FAM43A: variants seen among roughly 807,000 people sequenced by gnomAD.
The protein encoded by FAM43A is family with sequence similarity 43 member A.
Under a neutral mutation model 15.7 loss-of-function variants are expected in FAM43A, and 11 were observed. The observed-to-expected ratio is 0.70, with a 90% CI of 0.44 to 1.16. FAM43A has a LOEUF of 1.16. Ranked by LOEUF, FAM43A falls within the 50% of genes most tolerant of loss-of-function variation. The pLI, the probability that FAM43A is intolerant of heterozygous loss-of-function variation, is 0.00. For synonymous variants in FAM43A, 319 were observed against 291.7 expected (o/e 1.09, Z -0.96); for missense variants, 573 against 620.0 (o/e 0.92, Z 0.80).
chr3:194,686,945 G>A lies in FAM43A; in HGVS notation c.119G>A (p.Arg40Gln), dbSNP rs1209553749. The A allele has an allele frequency of 1.9e-6, 3 of 1,610,040 alleles. No homozygotes were observed. The highest frequency in any genetic ancestry group is 2.2e-5 in the East Asian group (1 of 44,770). Residue 40 changes from arginine (R) to glutamine (Q), a missense_variant, in exon 1 of 1, where the codon CGG becomes CAG. Physicochemically the swap from Arg to Gln is conservative, Grantham distance 43. Coordinates refer to ENST00000329759, the MANE Select transcript of FAM43A (RefSeq NM_153690.5). ...LHYSALSSLA[R>Q]ACPEGALSRV... ...TACTCGGCGCTCAGCTCGCTGGCGC[G>A]GGCGTGCCCCGAAGGCGCGCTTAGC...
Position 194,688,251 on chromosome 3 carries a change from T to C in FAM43A, c.*153T>C, listed in dbSNP as rs1248177673. The C allele has an allele frequency of 4.4e-6, 4 of 909,250 alleles. No individual in the cohort carries two copies. The highest frequency in any genetic ancestry group is 8.6e-5 in the Admixed American group (2 of 23,232). 56.3% of individuals were successfully genotyped at this position (909,250 alleles called of 1,614,324 possible). On this transcript the variant is annotated 3_prime_UTR_variant, in exon 1 of 1. Transcript: ENST00000329759. Reference sequence around the variant, plus strand: ...CCAGGTCCAGCGTTCCCCCGACCGCTTTCCCCTACCTCCCGGCCCCCGCTC... The same window carrying C: ...CCAGGTCCAGCGTTCCCCCGACCGCCTTCCCCTACCTCCCGGCCCCCGCTC...
chr3:194,688,204 G>C lies in FAM43A; in HGVS notation c.*106G>C. 7 of 1,189,406 alleles carry C rather than the reference G, an allele frequency of 5.9e-6. No individual in the cohort carries two copies. Among genetic ancestry groups the C allele is most frequent in the South Asian group, 8.5e-5 (2 of 23,640 alleles). The allele number at this position is 1,189,406 out of a possible 1,614,324, so 73.7% of individuals were successfully genotyped here. Reference sequence around the variant, plus strand: ...AGGAAGGGGGAAATGGGGCATTTGGGGCCCAGACCTACACTTGGAGCCCAG... The same window carrying C: ...AGGAAGGGGGAAATGGGGCATTTGGCGCCCAGACCTACACTTGGAGCCCAG... On this transcript the variant is annotated 3_prime_UTR_variant, in exon 1 of 1. Coordinates refer to ENST00000329759, the MANE Select transcript of FAM43A (RefSeq NM_153690.5).
rs778053297 is a variant in FAM43A at position 194,687,174 on chromosome 3, G to T, written c.348G>T (p.Gln116His). The change falls in exon 1 of 1, where the codon CAG becomes CAT. Residue 116 changes from glutamine (Q) to histidine (H), a missense_variant. Gln to His is a conservative substitution (Grantham distance 24). Coordinates refer to ENST00000329759, the MANE Select transcript of FAM43A (RefSeq NM_153690.5). ...AGATGAAGCTGACGGTGAGTGCGCA[G>T]GGTATCCGCATGGTGCACGCCGAGG... ...GTKMKLTVSAQGIRMVHAEER... is the reference protein window; with the variant it reads ...GTKMKLTVSAHGIRMVHAEER... 1.9e-6 allele frequency: 3 copies of T among 1,611,076 alleles called. No individual in the cohort carries two copies. The highest frequency in any genetic ancestry group is 2.5e-6 in the Non-Finnish European group (3 of 1,179,874).
Position 194,688,152 on chromosome 3 carries a change from C to T in FAM43A, c.*54C>T, listed in dbSNP as rs1176522641. 3 of 1,301,754 alleles carry T rather than the reference C, an allele frequency of 2.3e-6. No homozygotes were observed. In the African/African-American group the frequency reaches 4.6e-5, roughly 20 times the overall value. 80.6% of individuals were successfully genotyped at this position (1,301,754 alleles called of 1,614,324 possible). ...CGTGGCTACCCATCCGTGGTCCCGA[C>T]AACCTCCCTGTCCCTTGCCCGCCCC... On this transcript the variant is annotated 3_prime_UTR_variant, in exon 1 of 1. Coordinates refer to ENST00000329759, the MANE Select transcript of FAM43A (RefSeq NM_153690.5).
Position 194,688,772 on chromosome 3 carries a change from C to G in FAM43A, c.*674C>G, listed in dbSNP as rs895946438. On this transcript the variant is annotated 3_prime_UTR_variant, in exon 1 of 1. Transcript: ENST00000329759. ...TTCCTTTAGAAACACACACACCCTTCCTCTTGCTCAAAAGATCTCACTCCA... is the reference window on the plus strand; with the variant it reads ...TTCCTTTAGAAACACACACACCCTTGCTCTTGCTCAAAAGATCTCACTCCA... 2 of 166,990 alleles carry G rather than the reference C, an allele frequency of 1.2e-5. No homozygotes were observed. The highest frequency in any genetic ancestry group is 4.8e-5 in the African/African-American group (2 of 41,422). 10.3% of individuals were successfully genotyped at this position (166,990 alleles called of 1,614,324 possible).
In FAM43A at chr3:194,685,969, G is replaced by A. The variant is rs945612362; in HGVS notation, c.-858G>A. On this transcript the variant is annotated 5_prime_UTR_variant, in exon 1 of 1. Coordinates refer to ENST00000329759, the MANE Select transcript of FAM43A (RefSeq NM_153690.5). Reference sequence around the variant, plus strand: ...GCGGGCAGCAGACCGTGGAGAGCCCGGGAGCGGAGCTGGACACCGCCTCGG... The same window carrying A: ...GCGGGCAGCAGACCGTGGAGAGCCCAGGAGCGGAGCTGGACACCGCCTCGG... Among the ~76,000 whole-genome samples the A allele has an allele frequency of 5.3e-5, 8 of 152,190 alleles. No homozygotes were observed. The highest frequency in any genetic ancestry group is 1.9e-4 in the African/African-American group (8 of 41,440).
At position 194,687,357 on chromosome 3, in the gene FAM43A, G is replaced by A. The variant is rs1340145532; in HGVS notation, c.531G>A (p.Lys177=). ...GCTGCCACGCCGTGCTGGTGTCCAAGCCCGAAAAGGCGCAGGCCATGGCCC... is the reference window on the plus strand; with the variant it reads ...GCTGCCACGCCGTGCTGGTGTCCAAACCCGAAAAGGCGCAGGCCATGGCCC... The part of the protein sequence containing the change: ...MLRCHAVLVS[K]PEKAQAMALL... Residue 177 remains lysine (K), a synonymous_variant, in exon 1 of 1, where the codon AAG becomes AAA. Coordinates refer to ENST00000329759, the MANE Select transcript of FAM43A (RefSeq NM_153690.5). The A allele has an allele frequency of 1.9e-6, 3 of 1,540,658 alleles. No individual in the cohort carries two copies. The highest frequency in any genetic ancestry group is 2.6e-6 in the Non-Finnish European group (3 of 1,148,054).
chr3:194,688,004 T>C lies in FAM43A; in HGVS notation c.1178T>C (p.Ile393Thr). 2.8e-6 allele frequency: 4 copies of C among 1,421,928 alleles called. No individual in the cohort carries two copies. The highest frequency in any genetic ancestry group is 3.7e-6 in the Non-Finnish European group (4 of 1,088,386). The allele number at this position is 1,421,928 out of a possible 1,614,324, so 88.1% of individuals were successfully genotyped here. ...GACAGCACGGGCAGCGAGAGCTCCA[T>C]CGAGGGCGGGGGCCCTGACGCCACC... is the stretch of plus-strand genomic sequence containing the variant. Reference protein sequence around the residue: ...SGDSTGSESSIEGGGPDATSA... With the variant: ...SGDSTGSESSTEGGGPDATSA... Residue 393 changes from isoleucine to threonine, a missense_variant, in exon 1 of 1, where the codon ATC becomes ACC. By Grantham distance (89) the Ile-to-Thr change is moderately conservative. Coordinates refer to ENST00000329759, the MANE Select transcript of FAM43A (RefSeq NM_153690.5).
rs1719429925 is a variant in FAM43A, at chr3:194,686,895, C to T, written c.69C>T (p.Pro23=). The T allele has an allele frequency of 1.9e-6, 3 of 1,607,696 alleles. No homozygotes were observed. Among genetic ancestry groups the T allele is most frequent in the African/African-American group, 1.3e-5 (1 of 74,628 alleles). ...AEAPPRQASK[P]KGYAVSLHYS... ...CGCCGCCGCGGCAGGCGTCCAAGCC[C>T]AAGGGCTACGCTGTGAGCCTGCACT... Residue 23 remains proline (P), a synonymous_variant, in exon 1 of 1, where the codon CCC becomes CCT. Transcript: ENST00000329759.
Position 194,687,331 on chromosome 3 carries a change from C to T in FAM43A, c.505C>T (p.Arg169Cys). 6.5e-7 allele frequency: 1 copy of T among 1,545,796 alleles called. No homozygotes were observed. Among genetic ancestry groups the T allele is most frequent in the Non-Finnish European group, 8.7e-7 (1 of 1,151,642 alleles). ...GCTGAAGCACAAGGCCGTGATGCTG[C>T]GCTGCCACGCCGTGCTGGTGTCCAA... ...HELKHKAVML[R>C]CHAVLVSKPE... is the part of the protein sequence containing the mutation. Residue 169 changes from arginine (R) to cysteine (C), a missense_variant, in exon 1 of 1, where the codon CGC becomes TGC. Arg to Cys is a radical substitution (Grantham distance 180). Coordinates refer to ENST00000329759, the MANE Select transcript of FAM43A (RefSeq NM_153690.5).
At position 194,688,551 on chromosome 3, in the gene FAM43A, T is replaced by C. The variant is rs1259328409; in HGVS notation, c.*453T>C. The C allele has an allele frequency of 6.0e-6, 1 of 167,928 alleles. No homozygotes were observed. The highest frequency in any genetic ancestry group is 2.4e-5 in the African/African-American group (1 of 41,222). 10.4% of individuals were successfully genotyped at this position (167,928 alleles called of 1,614,324 possible). A position where few individuals can be genotyped will look rare whatever the true frequency, so the allele number is the denominator to read the frequency against. On this transcript the variant is annotated 3_prime_UTR_variant, in exon 1 of 1. Transcript: ENST00000329759. ...ATTAAAAAAAAAAAAAAATTTGCTC[T>C]CAAGGTGTTTGAGGCTTTAATGCAA...
At position 194,687,702 on chromosome 3, in the gene FAM43A, A is replaced by T; in HGVS notation, c.876A>T (p.Ala292=). Reference sequence around the variant, plus strand: ...ACCGTGCGGCAGAGGGAGATCCAGCAGAGGAGGAGGCCGAGGCGCAGCGTG... The same window carrying T: ...ACCGTGCGGCAGAGGGAGATCCAGCTGAGGAGGAGGCCGAGGCGCAGCGTG... The part of the protein sequence containing the change: ...EENRAAEGDP[A]EEEAEAQRAL... Residue 292 remains alanine (A), a synonymous_variant, in exon 1 of 1, where the codon GCA becomes GCT. Transcript: ENST00000329759. The T allele has an allele frequency of 1.3e-6, 2 of 1,563,642 alleles. No individual in the cohort carries two copies. The highest frequency in any genetic ancestry group is 1.7e-6 in the Non-Finnish European group (2 of 1,153,334).
In FAM43A at chr3:194,688,133, T is replaced by G; in HGVS notation, c.*35T>G. On this transcript the variant is annotated 3_prime_UTR_variant, in exon 1 of 1. Coordinates refer to ENST00000329759, the MANE Select transcript of FAM43A (RefSeq NM_153690.5). ...CGCGTCGCCGGCGCTCCACCGTGGC[T>G]ACCCATCCGTGGTCCCGACAACCTC... The G allele has an allele frequency of 7.6e-7, 1 of 1,312,954 alleles. No individual in the cohort carries two copies. Among genetic ancestry groups the G allele is most frequent in the Non-Finnish European group, 9.8e-7 (1 of 1,024,804 alleles). The allele number at this position is 1,312,954 out of a possible 1,614,324, so 81.3% of individuals were successfully genotyped here. A position where few individuals can be genotyped will look rare whatever the true frequency, so the allele number is the denominator to read the frequency against.
In FAM43A at chr3:194,687,510, G is replaced by C. The variant is rs555267876; in HGVS notation, c.684G>C (p.Lys228Asn). ...CCATCCCGCTAGTGCCGCTGCGCAA[G>C]CTGCTCCTACACGGACCCTGCTGCT... is the stretch of plus-strand genomic sequence containing the variant. ...AHTIPLVPLR[K>N]LLLHGPCCYK... Residue 228 changes from lysine to asparagine, a missense_variant, in exon 1 of 1, where the codon AAG becomes AAC. By Grantham distance (94) the Lys-to-Asn change is moderately conservative (BLOSUM62 0). Coordinates refer to ENST00000329759, the MANE Select transcript of FAM43A (RefSeq NM_153690.5). The C allele has an allele frequency of 1.3e-6, 2 of 1,552,446 alleles. No individual in the cohort carries two copies. The highest frequency in any genetic ancestry group is 1.9e-5 in the Admixed American group (1 of 52,148).
rs1577267401 is a variant in FAM43A, at chr3:194,686,744, G to A, written c.-83G>A. On this transcript the variant is annotated 5_prime_UTR_variant, in exon 1 of 1. Coordinates refer to ENST00000329759, the MANE Select transcript of FAM43A (RefSeq NM_153690.5). ...CTTCGATCTTGCCCGGGCCGAGCCT[G>A]GCAGGGGCCGGTGGCTCAGCGGGCC... 1 of 1,289,292 alleles carries A rather than the reference G, an allele frequency of 7.8e-7. No individual in the cohort carries two copies. Among genetic ancestry groups the A allele is most frequent in the East Asian group, 3.2e-5 (1 of 31,362 alleles). 79.9% of individuals were successfully genotyped at this position (1,289,292 alleles called of 1,614,324 possible).
In FAM43A at chr3:194,686,734, G is replaced by A. The variant is rs758773688; in HGVS notation, c.-93G>A. ...TAGTTTTATTCTTCGATCTTGCCCG[G>A]GCCGAGCCTGGCAGGGGCCGGTGGC... On this transcript the variant is annotated 5_prime_UTR_variant, in exon 1 of 1. Transcript: ENST00000329759. The A allele has an allele frequency of 1.6e-5, 20 of 1,257,736 alleles. No individual in the cohort carries two copies. The highest frequency in any genetic ancestry group is 3.2e-5 in the African/African-American group (2 of 63,176). The allele number at this position is 1,257,736 out of a possible 1,614,324, so 77.9% of individuals were successfully genotyped here.
In FAM43A at chr3:194,688,133, T is replaced by A. The variant is rs1379141238; in HGVS notation, c.*35T>A. The A allele has an allele frequency of 7.6e-7, 1 of 1,312,836 alleles. No homozygotes were observed. The highest frequency in any genetic ancestry group is 9.8e-7 in the Non-Finnish European group (1 of 1,024,812). The allele number at this position is 1,312,836 out of a possible 1,614,324, so 81.3% of individuals were successfully genotyped here. On this transcript the variant is annotated 3_prime_UTR_variant, in exon 1 of 1. Coordinates refer to ENST00000329759, the MANE Select transcript of FAM43A (RefSeq NM_153690.5). Reference sequence around the variant, plus strand: ...CGCGTCGCCGGCGCTCCACCGTGGCTACCCATCCGTGGTCCCGACAACCTC... The same window carrying A: ...CGCGTCGCCGGCGCTCCACCGTGGCAACCCATCCGTGGTCCCGACAACCTC...
In FAM43A at chr3:194,686,723, G is replaced by C. The variant is rs1719425199; in HGVS notation, c.-104G>C. 1.7e-6 allele frequency: 2 copies of C among 1,199,340 alleles called. No homozygotes were observed. Among genetic ancestry groups the C allele is most frequent in the Non-Finnish European group, 2.1e-6 (2 of 941,600 alleles). 74.3% of individuals were successfully genotyped at this position (1,199,340 alleles called of 1,614,324 possible). On this transcript the variant is annotated 5_prime_UTR_variant, in exon 1 of 1. Transcript: ENST00000329759. ...GCCGCTCCCAGTAGTTTTATTCTTC[G>C]ATCTTGCCCGGGCCGAGCCTGGCAG...
Position 194,686,556 on chromosome 3 carries a change from G to A in FAM43A, c.-271G>A. 3.1e-6 allele frequency: 1 copy of A among 326,540 alleles called. No homozygotes were observed. The highest frequency in any genetic ancestry group is 5.5e-6 in the Non-Finnish European group (1 of 181,492). The allele number at this position is 326,540 out of a possible 1,614,324, so 20.2% of individuals were successfully genotyped here. Reference sequence around the variant, plus strand: ...CCCTTGCCCAGGCTGGGGTAATTCTGTGTGCGCGCGTGTCTCCCCCGCACC... The same window carrying A: ...CCCTTGCCCAGGCTGGGGTAATTCTATGTGCGCGCGTGTCTCCCCCGCACC... On this transcript the variant is annotated 5_prime_UTR_variant, in exon 1 of 1. In the 5' UTR this introduces an upstream ATG that the reference lacks. Coordinates refer to ENST00000329759, the MANE Select transcript of FAM43A (RefSeq NM_153690.5).
Sources: gnomAD v4.1 joint callset for allele counts (sites outside exome capture counted in the v4.1 genomes callset) on GRCh38, gnomAD v4.1.1 for gene constraint, MANE v1.5 for transcripts, NCBI Gene and HGNC (gene_info 2026-07-23, HGNC 2026-07-21) for gene names.